The following NSMF variants were observed in gnomAD, a reference collection of about 807,000 sequenced individuals.
NSMF encodes nasal embryonic LHRH factor.
NSMF carries 31 observed loss-of-function variants against 71.0 expected under a neutral mutation model. The ratio of observed to expected loss-of-function variants is 0.44; its 90% confidence interval spans 0.33 to 0.59. The LOEUF (loss-of-function observed/expected upper bound fraction) is 0.59. NSMF is among the 20% of genes least tolerant of loss of function. The probability of loss-of-function intolerance (pLI) is 0.04; values close to 1 mark genes in which losing one functional copy is unlikely to be tolerated. For missense variants in NSMF, 673 were observed against 740.5 expected (o/e 0.91, Z 1.06); for synonymous variants, 345 against 287.1 (o/e 1.20, Z -2.04).
intron 5 of NSMF, 39 bp downstream of exon 5, chr9:137,455,590 C>T (rs768771063): frequency 1.6e-5 from 25 of 1,548,766 alleles, no homozygotes; most frequent in Non-Finnish European, 2.1e-5. Flanking sequence ...CCAGGGACAA[C>T]AGCTGTGCCC....
chr9:137,455,255 C>T lies in NSMF; in HGVS notation c.763G>A (p.Ala255Thr), dbSNP rs142726563. The T allele has an allele frequency of 5.2e-4, 840 of 1,612,674 alleles. 1 individual carries two copies. The highest frequency in any genetic ancestry group is 6.7e-4 in the Non-Finnish European group (790 of 1,179,928). ...RKRRKRENDSASVIQRNFRKH... is the reference protein window; with the variant it reads ...RKRRKRENDSTSVIQRNFRKH... ...AGGCCCTACCTCTGGATTACAGACG[C>T]GGAATCATTCTCCCGTTTCCGGCGC... Residue 255 changes from alanine to threonine, a missense_variant, in exon 6 of 16, where the codon GCG (alanine) becomes ACG (threonine). Transcript: ENST00000371475.
intron 2 of NSMF, among the ~76,000 whole-genome samples, 191 bp from the exon 3 acceptor site, chr9:137,458,092 G>A (rs764206436): frequency 2.0e-5 from 3 of 152,212 alleles, no homozygotes; most frequent in African/African-American, 7.2e-5. Flanking sequence ...TAGCATGTGC[G>A]TGGGGGCTGG....
At chr9:137,455,062 T>C in intron 6 of NSMF, 177 bp downstream of exon 6, 1 of 771,128 alleles carries the variant, frequency 1.3e-6, no homozygotes, top group Non-Finnish European at 2.3e-6. Flanking sequence ...GAGGGTGAGA[T>C]GCTTTCCTGC....
At position 137,447,588 on chromosome 9, in the gene NSMF, CTT is replaced by C. The variant is rs1839666353; in HGVS notation, c.*1804_*1805del. The C allele has an allele frequency of 6.6e-6, 1 of 151,212 alleles. No individual in the cohort carries two copies. The allele number at this position is 151,212 out of a possible 1,614,324, so 9.4% of individuals were successfully genotyped here. A position where few individuals can be genotyped will look rare whatever the true frequency, so the allele number is the denominator to read the frequency against. Reference sequence around the variant, plus strand: ...ACAGGCATTTGGTATTTACCTAAAACTTTATACACTCAAATTGGCACCAAAAC... The same window carrying C: ...ACAGGCATTTGGTATTTACCTAAAACTATACACTCAAATTGGCACCAAAAC... On this transcript the variant is annotated 3_prime_UTR_variant, in exon 16 of 16. Coordinates refer to ENST00000371475, the MANE Select transcript of NSMF (RefSeq NM_001130969.3).
rs1019599064 is a variant in NSMF, at chr9:137,456,213, G to A, written c.704+198C>T. On this transcript the variant is annotated intron_variant, in intron 4 of 15. Transcript: ENST00000371475. ...TCCCCTGACTGTGTGTGTGTGGGGG[G>A]GGGGGCTGGGCACCAGCCATGGGAG... Among the ~76,000 whole-genome samples the A allele has an allele frequency of 3.3e-5, 5 of 152,220 alleles. No individual in the cohort carries two copies. The East Asian group carries it at 7.7e-4, about 24-fold the overall frequency.
In NSMF at chr9:137,453,372, G is replaced by A; in HGVS notation, c.923-192C>T. 1 of 742,934 alleles carries A rather than the reference G, an allele frequency of 1.3e-6. No homozygotes were observed. The highest frequency in any genetic ancestry group is 2.2e-6 in the Non-Finnish European group (1 of 460,474). 46.0% of individuals were successfully genotyped at this position (742,934 alleles called of 1,614,324 possible). A position where few individuals can be genotyped will look rare whatever the true frequency, so the allele number is the denominator to read the frequency against. The stretch of plus-strand genomic sequence containing the variant: ...ACCACTGGGCAGCGGCCTGATGTGG[G>A]AAGGGAGACCCTGGTGCGAGGCCGG... On this transcript the variant is annotated intron_variant, in intron 8 of 15. Transcript: ENST00000371475. This position sits in a 1 kb window ranked among gnomAD's most constrained non-coding sequence, Gnocchi z 4.5.
chr9:137,453,498 G>A lies in NSMF; in HGVS notation c.922+233C>T, dbSNP rs1004734505. On this transcript the variant is annotated intron_variant, in intron 8 of 15. Transcript: ENST00000371475. The surrounding 1 kb of genome is among the most constrained non-coding windows in gnomAD (Gnocchi z 4.5). ...CCCCCTGCCCCTGAGGGCCTCTTGCGAGTGGCGGTGGGCACGGCCCTACAG... is the reference window on the plus strand; with the variant it reads ...CCCCCTGCCCCTGAGGGCCTCTTGCAAGTGGCGGTGGGCACGGCCCTACAG... 4 of 598,006 alleles carry A rather than the reference G, an allele frequency of 6.7e-6. No homozygotes were observed. The highest frequency in any genetic ancestry group is 1.9e-5 in the African/African-American group (1 of 53,678). 37.0% of individuals were successfully genotyped at this position (598,006 alleles called of 1,614,324 possible). A position where few individuals can be genotyped will look rare whatever the true frequency, so the allele number is the denominator to read the frequency against.
chr9:137,454,044 T>G lies in NSMF; in HGVS notation c.833-224A>C, dbSNP rs1431267494. Among the ~76,000 whole-genome samples, 22 of 141,848 alleles carry G rather than the reference T, an allele frequency of 1.6e-4. No homozygotes were observed. The Admixed American group carries it at 1.6e-3, about 10-fold the overall frequency. 93.1% of individuals were successfully genotyped at this position (141,848 alleles called of 152,430 possible). On this transcript the variant is annotated intron_variant, in intron 7 of 15. Transcript: ENST00000371475. ...GGCGGAGTCTGGGAAGGGAGGAGCC[T>G]GGGCCGGGCTGGGGGCGTGGCTGGG...
rs573366969 is a variant in NSMF, at chr9:137,455,532, A to T, written c.710+97T>A. On this transcript the variant is annotated intron_variant, in intron 5 of 15. Transcript: ENST00000371475. ...CCGCAGAGAGCGGCACTCCCTCAAG[A>T]CCCAGGTCCCTGGCCTGCCCAAACC... 3.6e-6 allele frequency: 5 copies of T among 1,406,620 alleles called. No homozygotes were observed. In the African/African-American group the frequency reaches 7.1e-5, roughly 20 times the overall value. The allele number at this position is 1,406,620 out of a possible 1,614,324, so 87.1% of individuals were successfully genotyped here.
Position 137,459,180 on chromosome 9 carries a change from A to G in NSMF, c.-78T>C. 1 of 1,037,324 alleles carries G rather than the reference A, an allele frequency of 9.6e-7. No individual in the cohort carries two copies. The allele number at this position is 1,037,324 out of a possible 1,614,324, so 64.3% of individuals were successfully genotyped here. ...GCCTCCGCCGGGGTAGCCGCGCCGC[A>G]CCGGGGGTCGCGCTCGGGCTCGGGC... is the stretch of plus-strand genomic sequence containing the variant. On this transcript the variant is annotated 5_prime_UTR_variant, in exon 1 of 16. Transcript: ENST00000371475.
intron 9 of NSMF, 25 bp from the exon 10 acceptor site, chr9:137,452,844 G>A: frequency 6.3e-7 from 1 of 1,584,980 alleles, no homozygotes. Context: ...AGCTGCTCAG[G>A]GGCCCCAGGC....
In NSMF at chr9:137,452,579, T is replaced by C; in HGVS notation, c.1139A>G (p.Glu380Gly). ...PSIIPILYDH[E>G]HATFEDILEE... is the part of the protein sequence containing the mutation. ...AAGGATGTCCTCGAAGGTTGCGTGCTCATGGTCCTGGGGACAGACACAGGC... is the reference window on the plus strand; with the variant it reads ...AAGGATGTCCTCGAAGGTTGCGTGCCCATGGTCCTGGGGACAGACACAGGC... Residue 380 changes from glutamate (E) to glycine (G), a missense_variant, in exon 11 of 16, where the codon GAG becomes GGG. This residue lies in a region of NSMF where 202 missense variants were observed against 280.8 expected (regional missense o/e 0.72). Transcript: ENST00000371475. The C allele has an allele frequency of 6.2e-7, 1 of 1,612,638 alleles. No individual in the cohort carries two copies. The highest frequency in any genetic ancestry group is 8.5e-7 in the Non-Finnish European group (1 of 1,179,956).
Position 137,453,334 on chromosome 9 carries a change from C to T in NSMF, c.923-154G>A. On this transcript the variant is annotated intron_variant, in intron 8 of 15. Transcript: ENST00000371475. The surrounding 1 kb of genome is among the most constrained non-coding windows in gnomAD (Gnocchi z 4.5). ...AGAGGTCGCCGCCAGCCCGGCAGGA[C>T]AGGCCTGTGGACACCACTGGGCAGC... 6 of 1,087,830 alleles carry T rather than the reference C, an allele frequency of 5.5e-6. No homozygotes were observed. Among genetic ancestry groups the T allele is most frequent in the South Asian group, 2.8e-5 (2 of 71,242 alleles). 67.4% of individuals were successfully genotyped at this position (1,087,830 alleles called of 1,614,324 possible).
chr9:137,456,205 T>TGG (rs1209785814), intron 4 of NSMF, among the ~76,000 whole-genome samples: 8 of 132,040 alleles, frequency 6.1e-5, no homozygotes. Context: ...ACTGTGTGTG[T>TGG]GTGGGGGGGG....
At position 137,457,598 on chromosome 9, in the gene NSMF, C is replaced by G; in HGVS notation, c.437G>C (p.Ser146Thr). The change falls in exon 3 of 16, where the codon AGC (serine) becomes ACC (threonine). Residue 146 changes from serine to threonine, a missense_variant. By Grantham distance (58) the Ser-to-Thr change is moderately conservative. This residue lies in a region of NSMF where 471 missense variants were observed against 459.6 expected (regional missense o/e 1.02). Transcript: ENST00000371475. ...GCAGGGCCTGCTGACGTCCTCCCGG[C>G]TGCCACCAGGGCTGGCGCGCAGGGG... The part of the protein sequence containing the change: ...SQPLRASPGG[S>T]REDVSRPCQS... The G allele has an allele frequency of 6.4e-7, 1 of 1,558,610 alleles. No individual in the cohort carries two copies. The highest frequency in any genetic ancestry group is 1.7e-4 in the Middle Eastern group (1 of 5,932).
rs1830681575 is a variant in NSMF at position 137,453,882 on chromosome 9, C to G, written c.833-62G>C. The G allele has an allele frequency of 7.0e-7, 1 of 1,421,802 alleles. No individual in the cohort carries two copies. The highest frequency in any genetic ancestry group is 9.6e-7 in the Non-Finnish European group (1 of 1,044,060). 88.1% of individuals were successfully genotyped at this position (1,421,802 alleles called of 1,614,324 possible). A position where few individuals can be genotyped will look rare whatever the true frequency, so the allele number is the denominator to read the frequency against. On this transcript the variant is annotated intron_variant, in intron 7 of 15. Transcript: ENST00000371475. The surrounding 1 kb of genome is among the most constrained non-coding windows in gnomAD (Gnocchi z 4.5). ...GGCGGGGCCTCGGGAGTCTCAGACC[C>G]CAGGCGAGGGGACCACAGGGGCCCT...
rs539647195 is a variant in NSMF, at chr9:137,456,943, C to G, written c.629-457G>C. On this transcript the variant is annotated intron_variant, in intron 3 of 15. Transcript: ENST00000371475. ...GGCCCCCACAGCCTTTCCCTGATGC[C>G]CAAGTGTGGGGACAGTGGAGTGACT... is the stretch of plus-strand genomic sequence containing the variant. Among the ~76,000 whole-genome samples, 23 of 152,114 alleles carry G rather than the reference C, an allele frequency of 1.5e-4. 1 individual carries two copies. Among genetic ancestry groups the G allele is most frequent in the Non-Finnish European group, 2.8e-4 (19 of 68,022 alleles).
chr9:137,449,731 G>A (rs1839816282), intron 14 of NSMF, 57 bp from the exon 15 acceptor site: 6 of 1,497,152 alleles, frequency 4.0e-6, no homozygotes, highest in South Asian at 1.2e-5. Context: ...GGAGGAGCGG[G>A]GAGGAGATGG....
In NSMF at chr9:137,452,922, G is replaced by A. The variant is rs560045027; in HGVS notation, c.1048-103C>T. 8.3e-6 allele frequency: 13 copies of A among 1,557,068 alleles called. 1 individual carries two copies. The South Asian group carries it at 1.2e-4, about 15-fold the overall frequency. On this transcript the variant is annotated intron_variant, in intron 9 of 15. Coordinates refer to ENST00000371475, the MANE Select transcript of NSMF (RefSeq NM_001130969.3). ...CCTTCTGGCTGCCAGGCAGCCCAAGGGTATAGCCCTGTGAGACACCCTCCC... is the reference window on the plus strand; with the variant it reads ...CCTTCTGGCTGCCAGGCAGCCCAAGAGTATAGCCCTGTGAGACACCCTCCC...
Sources: gnomAD v4.1 joint callset for allele counts (sites outside exome capture counted in the v4.1 genomes callset) on GRCh38, gnomAD v4.1.1 for gene constraint, gnomAD v4.1.1 regional missense constraint, Gnocchi (gnomAD v3.1) non-coding constraint, MANE v1.5 for transcripts, NCBI Gene and HGNC (gene_info 2026-07-23, HGNC 2026-07-21) for gene names.